RBFOX1: variants seen among roughly 807,000 people sequenced by gnomAD.
The protein encoded by RBFOX1 is RNA binding fox-1 homolog 1.
A neutral mutation model predicts 57.7 loss-of-function variants in RBFOX1; 8 were observed. The observed-to-expected ratio is 0.14, with a 90% CI of 0.08 to 0.25. The LOEUF (loss-of-function observed/expected upper bound fraction) is 0.25, where lower values mean the gene tolerates loss of function less well. Among genes scored for constraint, RBFOX1 ranks in the 10% least tolerant of loss-of-function variants. The pLI is 1.00. For synonymous variants in RBFOX1, 326 were observed against 222.4 expected (o/e 1.47, Z -4.15); for missense variants, 611 against 548.5 (o/e 1.11, Z -1.14).
chr16:6,598,780 T>G (rs541069830), intron 2 of RBFOX1, among the ~76,000 whole-genome samples: 1 of 152,246 alleles, frequency 6.6e-6, no homozygotes, highest in Admixed American at 6.5e-5. Flanking sequence ...ACCCTGTCTC[T>G]ACTAAAAATA....
intron 5 of RBFOX1, among the ~76,000 whole-genome samples, chr16:7,579,149 C>G (rs1325931123): frequency 2.0e-5 from 3 of 152,204 alleles, no homozygotes; most frequent in African/African-American, 7.2e-5. Context: ...TGTAAATTGT[C>G]ACATGTGGTC....
At chr16:5,968,718 C>T (rs538704479) in intron 4 of RBFOX1, among the ~76,000 whole-genome samples, 32 of 151,910 alleles carry the variant, frequency 2.1e-4, no homozygotes, top group African/African-American at 7.0e-4. Context: ...GTTTTTGTTT[C>T]GATGTGTGAT....
At chr16:7,345,295 C>T (rs1034866992) in intron 4 of RBFOX1, among the ~76,000 whole-genome samples, 12 of 151,848 alleles carry the variant, frequency 7.9e-5, no homozygotes, top group East Asian at 1.9e-4. Flanking sequence ...TTTGTTTTGG[C>T]GAGCAGTGTA....
intron 11 of RBFOX1, among the ~76,000 whole-genome samples, chr16:7,642,733 A>G (rs1009030344): frequency 3.3e-5 from 5 of 152,124 alleles, no homozygotes; most frequent in African/African-American, 1.2e-4. Flanking sequence ...CATGGTTATC[A>G]GTACAGATTT....
intron 3 of RBFOX1, among the ~76,000 whole-genome samples, chr16:5,849,963 A>T (rs1425303024): frequency 6.6e-6 from 1 of 152,166 alleles, no homozygotes; most frequent in Non-Finnish European, 1.5e-5. Context: ...TCCTTTGCGG[A>T]TCATCTGCTC....
intron 1 of RBFOX1, among the ~76,000 whole-genome samples, chr16:5,453,995 G>A (rs1443290679): frequency 6.6e-6 from 1 of 152,162 alleles, no homozygotes; most frequent in Non-Finnish European, 1.5e-5. Context: ...GAAAGAGGTT[G>A]GTGTGTTCCA....
chr16:6,956,978 G>A (rs1037559850), intron 3 of RBFOX1, among the ~76,000 whole-genome samples: 2 of 152,146 alleles, frequency 1.3e-5, no homozygotes, highest in African/African-American at 4.8e-5. Context: ...TTCAGGGCAA[G>A]TCTGCAGAGT....
At chr16:5,971,796 G>C (rs997347818) in intron 4 of RBFOX1, among the ~76,000 whole-genome samples, 4 of 152,200 alleles carry the variant, frequency 2.6e-5, no homozygotes, top group African/African-American at 9.7e-5. Context: ...GGGGTGCCCA[G>C]ATATTTGGTC....
intron 2 of RBFOX1, among the ~76,000 whole-genome samples, chr16:5,526,621 G>C (rs1473153768): frequency 1.3e-5 from 2 of 152,134 alleles, no homozygotes; most frequent in African/African-American, 4.8e-5. Flanking sequence ...AGAGAGGCTA[G>C]GTAATTTTCC....
At chr16:7,320,647 G>T (rs958177838) in intron 4 of RBFOX1, among the ~76,000 whole-genome samples, 2 of 152,198 alleles carry the variant, frequency 1.3e-5, no homozygotes, top group Non-Finnish European at 2.9e-5. Context: ...ATGAAACTGG[G>T]ATAATTGAAG....
intron 4 of RBFOX1, among the ~76,000 whole-genome samples, chr16:7,444,480 A>T (rs1244007065): frequency 6.6e-6 from 1 of 152,214 alleles, no homozygotes; most frequent in Non-Finnish European, 1.5e-5. Context: ...AGGCAGCTTT[A>T]TAAATAATAA....
intron 6 of RBFOX1, 29 bp downstream of exon 6, chr16:7,579,949 C>T (rs774411737): frequency 6.2e-7 from 1 of 1,610,812 alleles, no homozygotes; most frequent in East Asian, 2.2e-5. Context: ...CCCAGCAGTG[C>T]CCGCTCTGGG....
intron 3 of RBFOX1, among the ~76,000 whole-genome samples, chr16:6,753,516 C>T (rs377176444): frequency 5.3e-4 from 80 of 152,274 alleles, no homozygotes; most frequent in African/African-American, 1.9e-3. Flanking sequence ...TATACCATGT[C>T]TCTCTGCCTG....
intron 4 of RBFOX1, among the ~76,000 whole-genome samples, chr16:5,875,325 G>T (rs2057577088): frequency 6.6e-6 from 1 of 152,218 alleles, no homozygotes; most frequent in Non-Finnish European, 1.5e-5. Flanking sequence ...AACCAGGTTT[G>T]TCTGATTGCA....
chr16:5,674,038 G>A (rs879138449), intron 3 of RBFOX1, among the ~76,000 whole-genome samples: 1 of 152,186 alleles, frequency 6.6e-6, no homozygotes, highest in Non-Finnish European at 1.5e-5. Flanking sequence ...TAAATACCAT[G>A]TTGCCATTGA....
intron 2 of RBFOX1, among the ~76,000 whole-genome samples, chr16:6,645,966 G>A (rs2154078189): frequency 6.6e-6 from 1 of 152,268 alleles, no homozygotes; most frequent in East Asian, 1.9e-4. Context: ...TATCTGTGTG[G>A]AATCCCATCT....
At chr16:6,289,322 A>G (rs1599234180) in intron 1 of RBFOX1, among the ~76,000 whole-genome samples, 1 of 152,214 alleles carries the variant, frequency 6.6e-6, no homozygotes, top group Middle Eastern at 3.4e-3. Context: ...TATTCTTTGC[A>G]CCATCAATCT....
chr16:7,378,235 A>G (rs937961623), intron 4 of RBFOX1, among the ~76,000 whole-genome samples: 7 of 152,190 alleles, frequency 4.6e-5, no homozygotes, highest in Admixed American at 3.3e-4. Context: ...TACACAAACC[A>G]TCTCCTGATC....
intron 4 of RBFOX1, among the ~76,000 whole-genome samples, chr16:7,486,055 T>G (rs1192126680): frequency 6.6e-6 from 1 of 151,800 alleles, no homozygotes; most frequent in Non-Finnish European, 1.5e-5. Context: ...CCTTCTTCTG[T>G]GCTACCACTT....
Sources: allele counts gnomAD v4.1 joint callset (sites outside exome capture counted in the v4.1 genomes callset), GRCh38; gene constraint gnomAD v4.1.1; transcripts MANE v1.5; gene names NCBI Gene and HGNC (gene_info 2026-07-23, HGNC 2026-07-21).